CTNNBIP1: variants seen among roughly 807,000 people sequenced by gnomAD.
CTNNBIP1 encodes the protein catenin beta interacting protein 1.
A neutral mutation model predicts 11.8 loss-of-function variants in CTNNBIP1; 7 were observed. That is an observed-to-expected ratio of 0.60 (90% CI 0.34 to 1.12). CTNNBIP1 has a LOEUF of 1.12. Ranked by LOEUF, CTNNBIP1 falls within the 50% of genes most tolerant of loss-of-function variation. CTNNBIP1 has a pLI of 0.03. For synonymous variants in CTNNBIP1, 58 were observed against 43.9 expected (o/e 1.32, Z -1.26); for missense variants, 101 against 113.4 (o/e 0.89, Z 0.50).
At chr1:9,862,090 T>G (rs1403222992) in intron 5 of CTNNBIP1, among the ~76,000 whole-genome samples, 1 of 150,316 alleles carries the variant, frequency 6.7e-6, no homozygotes, top group Non-Finnish European at 1.5e-5. Flanking sequence ...GTGATATGTC[T>G]TCCCAGGTAA....
intron 1 of CTNNBIP1, among the ~76,000 whole-genome samples, chr1:9,884,618 T>C (rs1181682397): frequency 2.0e-5 from 3 of 151,978 alleles, no homozygotes; most frequent in Admixed American, 2.0e-4. Context: ...CATGGGAGGA[T>C]GAGAAGCATT....
Position 9,875,998 on chromosome 1 carries a change from G to A in CTNNBIP1, c.-25+1907C>T, listed in dbSNP as rs117799094. Among the ~76,000 whole-genome samples, 1,446 of 152,250 alleles carry A rather than the reference G, an allele frequency of 9.5e-3. 64 individuals are homozygous for A. Among genetic ancestry groups the A allele is most frequent in the Admixed American group, 0.071 (1,078 of 15,286 alleles). On this transcript the variant is annotated intron_variant, in intron 3 of 5. Transcript: ENST00000377263. ...CTGTTTGTTGCCTATACAAGCAAAC[G>A]TGCTATTATATTTTTATCACAATTC... is the stretch of plus-strand genomic sequence containing the variant.
At chr1:9,902,762 T>C (rs1171560134) in intron 1 of CTNNBIP1, among the ~76,000 whole-genome samples, 2 of 121,342 alleles carry the variant, frequency 1.6e-5, no homozygotes, top group Non-Finnish European at 3.0e-5. Context: ...GGGGAAGAAC[T>C]TTTTTTTTTT....
chr1:9,865,540 T>C (rs1246696540), intron 5 of CTNNBIP1, among the ~76,000 whole-genome samples: 1 of 145,462 alleles, frequency 6.9e-6, no homozygotes, highest in Non-Finnish European at 1.5e-5. Context: ...GGAGGTGGAG[T>C]TTGCAGTGAG....
chr1:9,898,763 T>C (rs1639460326), intron 1 of CTNNBIP1, among the ~76,000 whole-genome samples: 1 of 152,192 alleles, frequency 6.6e-6, no homozygotes, highest in Non-Finnish European at 1.5e-5. Context: ...TAGTCCCTTA[T>C]ATAAAGTGAC....
chr1:9,848,531 G>C lies in CTNNBIP1; in HGVS notation c.*2187C>G, dbSNP rs996376089. ...AGGGGGCAGCCAGCAATGTGGCCTCGACACCTGACTCCAGGCACTCCGACC... is the reference window on the plus strand; with the variant it reads ...AGGGGGCAGCCAGCAATGTGGCCTCCACACCTGACTCCAGGCACTCCGACC... On this transcript the variant is annotated 3_prime_UTR_variant, in exon 6 of 6. Transcript: ENST00000377263. The surrounding 1 kb of genome is among the most constrained non-coding windows in gnomAD (Gnocchi z 4.3). 6 of 152,154 alleles carry C rather than the reference G, an allele frequency of 3.9e-5. No individual in the cohort carries two copies. The highest frequency in any genetic ancestry group is 8.8e-5 in the Non-Finnish European group (6 of 68,026). 9.4% of individuals were successfully genotyped at this position (152,154 alleles called of 1,614,324 possible). A position where few individuals can be genotyped will look rare whatever the true frequency, so the allele number is the denominator to read the frequency against.
chr1:9,856,815 A>G (rs1638511586), intron 5 of CTNNBIP1, among the ~76,000 whole-genome samples: 1 of 151,700 alleles, frequency 6.6e-6, no homozygotes, highest in South Asian at 2.1e-4. Context: ...TGCCTAGTCC[A>G]TAAAGAACTC....
intron 1 of CTNNBIP1, among the ~76,000 whole-genome samples, chr1:9,892,409 G>A (rs554843909): frequency 2.0e-5 from 3 of 147,820 alleles, no homozygotes; most frequent in South Asian, 2.1e-4. Flanking sequence ...GGGACAGAGC[G>A]AGACTCCGTC....
chr1:9,871,651 T>C lies in CTNNBIP1; in HGVS notation c.96+318A>G, dbSNP rs190768086. On this transcript the variant is annotated intron_variant, in intron 4 of 5. Transcript: ENST00000377263. The surrounding 1 kb of genome is among the most constrained non-coding windows in gnomAD (Gnocchi z 5.2). ...CCCCCTCAGCTCCTGTCCTGACAAG[T>C]TGTCCCTGAGCTGCCCCCTGGGAGA... 2.9e-4 allele frequency among the ~76,000 whole-genome samples: 44 copies of C among 152,244 alleles called. No homozygotes were observed. Among genetic ancestry groups the C allele is most frequent in the African/African-American group, 9.4e-4 (39 of 41,544 alleles).
intron 1 of CTNNBIP1, among the ~76,000 whole-genome samples, chr1:9,905,367 G>A (rs2486084): frequency 0.32 from 48,834 of 151,590 alleles, 10,637 homozygotes; most frequent in African/African-American, 0.62. Context: ...CCTAACCCTC[G>A]TCCCATCCAC....
chr1:9,896,502 T>A (rs769459681), intron 1 of CTNNBIP1, among the ~76,000 whole-genome samples: 1 of 149,390 alleles, frequency 6.7e-6, no homozygotes, highest in African/African-American at 2.5e-5. Context: ...AGTTCGAGAG[T>A]AGCCTGGCCA....
intron 2 of CTNNBIP1, among the ~76,000 whole-genome samples, chr1:9,881,183 C>T (rs1639073660): frequency 6.6e-6 from 1 of 151,998 alleles, no homozygotes; most frequent in South Asian, 2.1e-4. Context: ...CACAGGCATG[C>T]ACCACCATAT....
At chr1:9,889,608 T>G (rs1639257626) in intron 1 of CTNNBIP1, among the ~76,000 whole-genome samples, 1 of 152,192 alleles carries the variant, frequency 6.6e-6, no homozygotes, top group Non-Finnish European at 1.5e-5. Context: ...GGCCTGTGTC[T>G]GCACATCCGC....
chr1:9,903,411 A>G (rs1470640135), intron 1 of CTNNBIP1, among the ~76,000 whole-genome samples: 1 of 152,184 alleles, frequency 6.6e-6, no homozygotes, highest in Non-Finnish European at 1.5e-5. Flanking sequence ...CACAGGTATG[A>G]CCCTCAATCC....
intron 5 of CTNNBIP1, among the ~76,000 whole-genome samples, chr1:9,870,542 C>T (rs187159970): frequency 1.1e-4 from 16 of 152,294 alleles, no homozygotes; most frequent in Admixed American, 3.9e-4. Flanking sequence ...AGTTTCCTTG[C>T]CTGTTAAGTG....
chr1:9,857,779 C>T (rs969394432), intron 5 of CTNNBIP1, among the ~76,000 whole-genome samples: 1 of 152,136 alleles, frequency 6.6e-6, no homozygotes, highest in African/African-American at 2.4e-5. Context: ...CCAGCATGGA[C>T]GACAGACCAA....
chr1:9,906,160 G>A (rs1168283223), intron 1 of CTNNBIP1, among the ~76,000 whole-genome samples: 1 of 152,212 alleles, frequency 6.6e-6, no homozygotes, highest in East Asian at 1.9e-4. Flanking sequence ...GGGAAACTGA[G>A]ACACAGAGAG....
At chr1:9,873,578 G>C (rs898854865) in intron 3 of CTNNBIP1, among the ~76,000 whole-genome samples, 1 of 152,120 alleles carries the variant, frequency 6.6e-6, no homozygotes, top group African/African-American at 2.4e-5. Context: ...ACACAGCCTT[G>C]TGGGGTGAAC....
chr1:9,892,129 T>G (rs1639314276), intron 1 of CTNNBIP1, among the ~76,000 whole-genome samples: 1 of 151,948 alleles, frequency 6.6e-6, no homozygotes, highest in African/African-American at 2.4e-5. Context: ...TTTAAAAGAT[T>G]AGCTGGGTGC....
Sources: gnomAD v4.1 joint callset for allele counts (sites outside exome capture counted in the v4.1 genomes callset) on GRCh38, gnomAD v4.1.1 for gene constraint, Gnocchi (gnomAD v3.1) non-coding constraint, MANE v1.5 for transcripts, NCBI Gene and HGNC (gene_info 2026-07-23, HGNC 2026-07-21) for gene names.